The following SCML4 variants were observed in gnomAD, a reference collection of about 807,000 sequenced individuals.
SCML4 encodes sex comb on midleg-like protein 4.
Under a neutral mutation model 41.1 loss-of-function variants are expected in SCML4, and 34 were observed. The observed-to-expected ratio is 0.83, with a 90% confidence interval of 0.63 to 1.10. SCML4 has a LOEUF of 1.10. Among genes scored for constraint, SCML4 ranks in the 50% least tolerant of loss-of-function variants. The probability of loss-of-function intolerance (pLI) is 0.00; values close to 1 mark genes in which losing one functional copy is unlikely to be tolerated. For synonymous variants in SCML4, 214 were observed against 220.9 expected (o/e 0.97, Z 0.28); for missense variants, 522 against 534.1 (o/e 0.98, Z 0.22).
intron 2 of SCML4, among the ~76,000 whole-genome samples, chr6:107,751,626 CTT>C (rs1562218878): frequency 2.7e-5 from 4 of 145,726 alleles, no homozygotes; most frequent in Non-Finnish European, 6.0e-5. Context: ...TTCTTTCTTT[CTT>C]TCTTTCTTTC....
intron 7 of SCML4, among the ~76,000 whole-genome samples, chr6:107,706,935 AG>A (rs1773694353): frequency 6.6e-6 from 1 of 152,216 alleles, no homozygotes; most frequent in South Asian, 2.1e-4. Context: ...TTGCTGGCTG[AG>A]CCCACTGAGA....
intron 6 of SCML4, among the ~76,000 whole-genome samples, chr6:107,711,364 G>T (rs1232884160): frequency 6.6e-6 from 1 of 152,140 alleles, no homozygotes; most frequent in East Asian, 1.9e-4. Context: ...CCCATAAGAT[G>T]ATAATGATTC....
At position 107,791,825 on chromosome 6, in the gene SCML4, G is replaced by A. The variant is rs1167699413; in HGVS notation, c.-59-19439C>T. Among the ~76,000 whole-genome samples, 10 of 151,942 alleles carry A rather than the reference G, an allele frequency of 6.6e-5. No homozygotes were observed. The South Asian group carries it at 8.3e-4, about 13-fold the overall frequency. ...AAAAATTAGCTGAGCGTGGTGGCTC[G>A]TGCCTGTAATCCCAGTCCCAGCTAC... On this transcript the variant is annotated intron_variant, in intron 1 of 7. Coordinates refer to ENST00000369020, the MANE Select transcript of SCML4 (RefSeq NM_198081.5).
At chr6:107,843,695 C>CA in the SCML4 span, among the ~76,000 whole-genome samples, 5 of 152,194 alleles carry the variant, frequency 3.3e-5, no homozygotes, top group Non-Finnish European at 7.3e-5. Flanking sequence ...GCACTGCCCC[C>CA]AGAGACACAT....
chr6:107,707,516 C>T (rs1233554029), intron 7 of SCML4, among the ~76,000 whole-genome samples: 1 of 152,166 alleles, frequency 6.6e-6, no homozygotes, highest in Non-Finnish European at 1.5e-5. Flanking sequence ...GGTTTAGGAA[C>T]AGGTGCTACT....
intron 2 of SCML4, among the ~76,000 whole-genome samples, chr6:107,759,390 A>T (rs995371852): frequency 5.0e-5 from 7 of 141,120 alleles, no homozygotes; most frequent in Non-Finnish European, 7.7e-5. Flanking sequence ...GGCAGAATGG[A>T]TGGGGAAGTG....
intron 1 of SCML4, among the ~76,000 whole-genome samples, chr6:107,774,686 C>G (rs186220988): frequency 4.3e-4 from 65 of 152,086 alleles, no homozygotes; most frequent in Admixed American, 8.5e-4. Flanking sequence ...GGAGTAAAGA[C>G]AACCTATCCA....
chr6:107,777,812 G>T (rs1781075557), intron 1 of SCML4, among the ~76,000 whole-genome samples: 1 of 152,086 alleles, frequency 6.6e-6, no homozygotes, highest in Non-Finnish European at 1.5e-5. Flanking sequence ...ACAGGTGGCA[G>T]CTGGGCCACT....
intron 6 of SCML4, 176 bp downstream of exon 6, chr6:107,720,527 T>A (rs1775273312): frequency 7.2e-7 from 1 of 1,383,018 alleles, no homozygotes; most frequent in Non-Finnish European, 9.3e-7. Flanking sequence ...TTATCAAAGG[T>A]TGAGTTTGGC....
the SCML4 span, among the ~76,000 whole-genome samples, chr6:107,839,393 G>GAAACAAAGAAAGAAAC: frequency 1.9e-4 from 25 of 134,496 alleles, no homozygotes; most frequent in African/African-American, 7.2e-4. Flanking sequence ...AAGAAAGAAA[G>GAAACAAAGAAAGAAAC]AAAGAAAGAA....
chr6:107,818,961 A>G (rs1163734477), intron 1 of SCML4, among the ~76,000 whole-genome samples: 1 of 152,222 alleles, frequency 6.6e-6, no homozygotes, highest in Non-Finnish European at 1.5e-5. Flanking sequence ...CATCAGAGCA[A>G]TGATGTCCCA....
At chr6:107,755,711 AAT>A in intron 2 of SCML4, 11 of 948,208 alleles carry the variant, frequency 1.2e-5, no homozygotes, top group Non-Finnish European at 1.6e-5. Context: ...AAATGGACAA[AAT>A]AAAACACAGT....
chr6:107,725,230 G>A lies in SCML4; in HGVS notation c.683-4237C>T, dbSNP rs561002008. Among the ~76,000 whole-genome samples, 49 of 152,304 alleles carry A rather than the reference G, an allele frequency of 3.2e-4. No homozygotes were observed. The East Asian group carries it at 4.0e-3, about 13-fold the overall frequency. ...TACAGTAAAGACAAATATTTAAGGC[G>A]ATGGATATCCCAAGTACACTGATTT... On this transcript the variant is annotated intron_variant, in intron 5 of 7. Transcript: ENST00000369020.
the SCML4 span, among the ~76,000 whole-genome samples, chr6:107,836,879 A>G: frequency 6.6e-6 from 1 of 152,184 alleles, no homozygotes; most frequent in Non-Finnish European, 1.5e-5. Context: ...TGCCTGGGAT[A>G]TAAATGCCAC....
At chr6:107,748,789 G>A (rs1042336726) in intron 3 of SCML4, among the ~76,000 whole-genome samples, 11 of 152,308 alleles carry the variant, frequency 7.2e-5, no homozygotes, top group Admixed American at 2.0e-4. Context: ...ACACAGGGAG[G>A]GGCTAAGAGA....
At chr6:107,841,116 G>A in the SCML4 span, among the ~76,000 whole-genome samples, 3 of 150,718 alleles carry the variant, frequency 2.0e-5, no homozygotes, top group Non-Finnish European at 4.4e-5. Flanking sequence ...TAAAATGAAG[G>A]GTCATTGGTA....
At chr6:107,747,493 G>A (rs1213714512) in intron 3 of SCML4, among the ~76,000 whole-genome samples, 2 of 151,896 alleles carry the variant, frequency 1.3e-5, no homozygotes, top group African/African-American at 4.8e-5. Context: ...GGGGGCACCT[G>A]TCCCAAACCA....
intron 1 of SCML4, among the ~76,000 whole-genome samples, chr6:107,809,671 G>A (rs928046038): frequency 6.6e-6 from 1 of 152,188 alleles, no homozygotes; most frequent in African/African-American, 2.4e-5. Context: ...TAAAGGAGAA[G>A]GGGAAGATAT....
At chr6:107,801,927 G>A (rs1243484748) in intron 1 of SCML4, among the ~76,000 whole-genome samples, 1 of 145,786 alleles carries the variant, frequency 6.9e-6, no homozygotes, top group African/African-American at 2.8e-5. Flanking sequence ...ACCACACCTG[G>A]CTAATTTTTT....
Sources: allele counts gnomAD v4.1 joint callset (sites outside exome capture counted in the v4.1 genomes callset), GRCh38; gene constraint gnomAD v4.1.1; transcripts MANE v1.5; gene names NCBI Gene and HGNC (gene_info 2026-07-23, HGNC 2026-07-21).